ADH4: variants seen among roughly 807,000 people sequenced by gnomAD.
ADH4 encodes alcohol dehydrogenase 4 (class II), pi polypeptide, also known as all-trans-retinol dehydrogenase [NAD(+)] ADH4.
ADH4 carries 31 observed loss-of-function variants against 35.2 expected under a neutral mutation model. The observed-to-expected ratio is 0.88, with a 90% CI of 0.66 to 1.19. The LOEUF (loss-of-function observed/expected upper bound fraction) is 1.19. ADH4 is among the 50% of genes most tolerant of loss of function. The probability of loss-of-function intolerance (pLI) is 0.00; values close to 1 mark genes in which losing one functional copy is unlikely to be tolerated. For missense variants in ADH4, 476 were observed against 458.3 expected (o/e 1.04, Z -0.35); for synonymous variants, 171 against 160.2 (o/e 1.07, Z -0.51).
At chr4:99,132,127 A>G (rs1391251336) in intron 5 of ADH4, among the ~76,000 whole-genome samples, 5 of 152,198 alleles carry the variant, frequency 3.3e-5, no homozygotes, top group African/African-American at 1.2e-4. Context: ...TATATTTCGA[A>G]TAGTCCTCAT....
At chr4:99,139,424 ACT>A (rs1372097135) in intron 3 of ADH4, among the ~76,000 whole-genome samples, 8 of 152,144 alleles carry the variant, frequency 5.3e-5, no homozygotes, top group African/African-American at 1.9e-4. Context: ...TGTCATTGTG[ACT>A]CTCTGCATCA....
chr4:99,139,660 T>G (rs1251614696), intron 3 of ADH4, among the ~76,000 whole-genome samples: 3 of 152,220 alleles, frequency 2.0e-5, no homozygotes, highest in Non-Finnish European at 4.4e-5. Flanking sequence ...TAATTCACAT[T>G]CATTCAACAT....
chr4:99,127,340 G>GTA lies in ADH4; in HGVS notation c.847_848insTA (p.Ala283ValfsTer19). On this transcript the variant is annotated frameshift_variant, in exon 7 of 9. Transcript: ENST00000265512. LOFTEE classifies it high-confidence loss of function. ...GCCTGCGGTTGTACAGTCCAGGGCT[G>GTA]CTTTCTGTGATGGAGCATAAAAGAA... The GTA allele has an allele frequency of 1.9e-6, 3 of 1,585,002 alleles. No homozygotes were observed. Among genetic ancestry groups the GTA allele is most frequent in the Non-Finnish European group, 2.6e-6 (3 of 1,167,410 alleles).
chr4:99,127,781 G>A (rs1176490957), intron 6 of ADH4, among the ~76,000 whole-genome samples: 1 of 150,202 alleles, frequency 6.7e-6, no homozygotes, highest in East Asian at 2.0e-4. Context: ...GCAGTGAGCC[G>A]AGACCACACC....
chr4:99,134,828 CT>C (rs1729387959), intron 5 of ADH4, among the ~76,000 whole-genome samples: 1 of 150,674 alleles, frequency 6.6e-6, no homozygotes, highest in African/African-American at 2.4e-5. Context: ...ACTTTGGTAT[CT>C]TGGCTACTAG....
At chr4:99,142,834 G>GT in intron 1 of ADH4, 54 bp from the exon 2 acceptor site, 1 of 1,367,330 alleles carries the variant, frequency 7.3e-7, no homozygotes, top group Non-Finnish European at 1.0e-6. Context: ...TTTTGACAGG[G>GT]TTGGGGGTAG....
intron 6 of ADH4, among the ~76,000 whole-genome samples, chr4:99,128,648 A>G (rs1729172220): frequency 6.6e-6 from 1 of 152,186 alleles, no homozygotes; most frequent in Admixed American, 6.5e-5. Context: ...CAATTAAAAA[A>G]TTATGATATA....
chr4:99,127,243 T>G lies in ADH4; in HGVS notation c.945A>C (p.Ile315=), dbSNP rs779502378. The change falls in exon 7 of 9, where the codon ATA becomes ATC. Residue 315 remains isoleucine, a synonymous_variant. Coordinates refer to ENST00000265512, the MANE Select transcript of ADH4 (RefSeq NM_000670.5). ...ATGTTCCATTTATAGTACGGCCGAT[T>G]ATTAGCTCCTCTGGAAAAATAGTCA... ...KGLTIFPEEL[I]IGRTINGTFF... The G allele has an allele frequency of 1.5e-5, 24 of 1,611,200 alleles. No individual in the cohort carries two copies. Among genetic ancestry groups the G allele is most frequent in the Non-Finnish European group, 1.9e-5 (22 of 1,178,376 alleles).
rs1728988280 is a variant in ADH4 at position 99,123,803 on chromosome 4, A to C, written c.*639T>G. ...ATACCAGGTCTTATTCATTCTTTTT[A>C]AAAATTTCCAACTTTTATTAAGTTC... On this transcript the variant is annotated 3_prime_UTR_variant, in exon 9 of 9. Transcript: ENST00000265512. The C allele has an allele frequency of 6.6e-6, 1 of 152,164 alleles. No homozygotes were observed. The highest frequency in any genetic ancestry group is 1.5e-5 in the Non-Finnish European group (1 of 68,048). 9.4% of individuals were successfully genotyped at this position (152,164 alleles called of 1,614,324 possible). A position where few individuals can be genotyped will look rare whatever the true frequency, so the allele number is the denominator to read the frequency against.
chr4:99,129,771 C>T (rs1267557083), intron 6 of ADH4, among the ~76,000 whole-genome samples: 1 of 152,096 alleles, frequency 6.6e-6, no homozygotes, highest in Non-Finnish European at 1.5e-5. Context: ...TGTTTTCCTC[C>T]AGTACAACTT....
At chr4:99,124,529 A>T in intron 8 of ADH4, 63 bp from the exon 9 acceptor site, 1 of 1,121,262 alleles carries the variant, frequency 8.9e-7, no homozygotes, top group Middle Eastern at 2.2e-4. Flanking sequence ...CAAAGCTCAC[A>T]AATAAGTTTT....
At chr4:99,132,226 G>A (rs988500322) in intron 5 of ADH4, among the ~76,000 whole-genome samples, 8 of 152,182 alleles carry the variant, frequency 5.3e-5, no homozygotes, top group Non-Finnish European at 8.8e-5. Context: ...TGGCATGAAA[G>A]CATTTTTATT....
intron 5 of ADH4, among the ~76,000 whole-genome samples, chr4:99,134,786 T>C (rs1046872770): frequency 2.6e-5 from 4 of 151,488 alleles, no homozygotes; most frequent in African/African-American, 9.7e-5. Context: ...TTTTTGTCTA[T>C]GTGGCAGATA....
rs768030752 is a variant in ADH4 at position 99,141,523 on chromosome 4, C to A, written c.262+18G>T. ...AAATATTGTGACATTTCCATTTTTTCTGAATAAAATAAAATACCTGGTTTG... is the reference window on the plus strand; with the variant it reads ...AAATATTGTGACATTTCCATTTTTTATGAATAAAATAAAATACCTGGTTTG... On this transcript the variant is annotated intron_variant, in intron 3 of 8. Transcript: ENST00000265512. 11 of 1,594,678 alleles carry A rather than the reference C, an allele frequency of 6.9e-6. No homozygotes were observed. Among genetic ancestry groups the A allele is most frequent in the Non-Finnish European group, 9.4e-6 (11 of 1,170,482 alleles).
Position 99,131,711 on chromosome 4 carries a change from A to G in ADH4, c.636T>C (p.Ser212=). 6.2e-7 allele frequency: 1 copy of G among 1,614,200 alleles called. No homozygotes were observed. Among genetic ancestry groups the G allele is most frequent in the Non-Finnish European group, 8.5e-7 (1 of 1,180,008 alleles). ...CTGCTGCTTTACAACCCATTACAGC[A>G]GAAAGACCCACACCTCCTAGGCCAA... ...AVFGLGGVGL[S]AVMGCKAAGA... Residue 212 remains serine, a synonymous_variant, in exon 6 of 9, where the codon TCT becomes TCC. Coordinates refer to ENST00000265512, the MANE Select transcript of ADH4 (RefSeq NM_000670.5).
At chr4:99,143,105 A>G in intron 1 of ADH4, 3 of 700,308 alleles carry the variant, frequency 4.3e-6, no homozygotes, top group Non-Finnish European at 7.8e-6. Context: ...TGGAGTTTGA[A>G]TAAGGTAGAT....
chr4:99,131,753 A>T lies in ADH4; in HGVS notation c.594T>A (p.Gly198=). 1 of 1,610,580 alleles carries T rather than the reference A, an allele frequency of 6.2e-7. No individual in the cohort carries two copies. Among genetic ancestry groups the T allele is most frequent in the Non-Finnish European group, 8.5e-7 (1 of 1,178,832 alleles). ...AAINNAKVTP[G]STCAVFGLGG... is the part of the protein sequence containing the mutation. ...CTAGGCCAAAGACAGCACAAGTCGAACCAGGGGTGACCTGCAAGCAGGAAA... is the reference window on the plus strand; with the variant it reads ...CTAGGCCAAAGACAGCACAAGTCGATCCAGGGGTGACCTGCAAGCAGGAAA... The change falls in exon 6 of 9, where the codon GGT becomes GGA. Residue 198 remains glycine (G), a synonymous_variant. Transcript: ENST00000265512.
At chr4:99,125,886 T>C (rs1034109261) in intron 8 of ADH4, among the ~76,000 whole-genome samples, 1 of 152,202 alleles carries the variant, frequency 6.6e-6, no homozygotes, top group Admixed American at 6.5e-5. Context: ...TCATTTCTTC[T>C]TGGTCCTGCG....
At chr4:99,127,589 G>A (rs1197511518) in intron 6 of ADH4, among the ~76,000 whole-genome samples, 1 of 152,134 alleles carries the variant, frequency 6.6e-6, no homozygotes, top group African/African-American at 2.4e-5. Flanking sequence ...AGAACTTTGG[G>A]TGGCCAAGGT....
Sources: gnomAD v4.1 joint callset for allele counts (sites outside exome capture counted in the v4.1 genomes callset) on GRCh38, gnomAD v4.1.1 for gene constraint, MANE v1.5 for transcripts, NCBI Gene and HGNC (gene_info 2026-07-23, HGNC 2026-07-21) for gene names.